Variants in ATRX observed in about 807,000 individuals in gnomAD.
ATRX encodes the protein chromatin remodeler ATRX.
In ATRX, 12 loss-of-function variants were observed where a neutral mutation model predicts 172.6. The observed-to-expected ratio is 0.07, with a 90% CI of 0.04 to 0.11. The LOEUF (loss-of-function observed/expected upper bound fraction) is 0.11, where lower values mean the gene tolerates loss of function less well. Ranked by LOEUF, ATRX falls within the 10% of genes least tolerant of loss-of-function variation. The pLI, the probability that ATRX is intolerant of heterozygous loss-of-function variation, is 1.00. For missense variants in ATRX, 1,368 were observed against 1,767.4 expected (o/e 0.77, Z 4.05); for synonymous variants, 674 against 594.7 (o/e 1.13, Z -1.94).
At chrX:77,704,841 A>AG (rs1490685654) in intron 2 of ATRX, among the ~76,000 whole-genome samples, 4 of 112,190 alleles carry the variant, frequency 3.6e-5, no homozygotes, top group Admixed American at 9.3e-5. Context: ...TATGAGAGCA[A>AG]GGGGGGCCTT....
At chrX:77,728,736 T>C (rs186016876) in intron 1 of ATRX, among the ~76,000 whole-genome samples, 110 of 103,992 alleles carry the variant, frequency 1.1e-3, no homozygotes, top group South Asian at 7.0e-3. Flanking sequence ...ACAAAGAAAG[T>C]AAGAAAGTAT....
chrX:77,616,402 T>C, intron 22 of ATRX: 1 of 1,088,599 alleles, frequency 9.2e-7, no homozygotes, highest in Non-Finnish European at 1.2e-6. Context: ...TCATATGTGC[T>C]GTATATCTTT....
At chrX:77,643,321 G>A (rs1557112059) in intron 15 of ATRX, among the ~76,000 whole-genome samples, 2 of 110,008 alleles carry the variant, frequency 1.8e-5, no homozygotes, top group African/African-American at 6.6e-5. Flanking sequence ...CTGGGGCAAG[G>A]CATTACAGGG....
chrX:77,716,110 A>ATT (rs199639051), intron 2 of ATRX, among the ~76,000 whole-genome samples: 1,403 of 54,179 alleles, frequency 0.026, 89 homozygotes, highest in African/African-American at 0.032. Context: ...GTCTCTAAAA[A>ATT]TTTTTTTTTT....
At chrX:77,551,131 G>T (rs2064487776) in intron 30 of ATRX, among the ~76,000 whole-genome samples, 2 of 111,274 alleles carry the variant, frequency 1.8e-5, no homozygotes, top group Non-Finnish European at 3.8e-5. Context: ...AGTTCATATG[G>T]AACCAAAAAA....
At chrX:77,601,247 C>CT (rs2066662926) in intron 22 of ATRX, among the ~76,000 whole-genome samples, 1 of 110,336 alleles carries the variant, frequency 9.1e-6, no homozygotes, top group Non-Finnish European at 1.9e-5. Context: ...AGGAGGACCG[C>CT]TTGAGGCCAG....
At chrX:77,616,170 C>T in intron 22 of ATRX, 14 of 803,902 alleles carry the variant, frequency 1.7e-5, no homozygotes, top group Non-Finnish European at 2.1e-5. Flanking sequence ...GTATTTTAGG[C>T]ATACTACATG....
At chrX:77,575,311 C>T (rs1028251429) in intron 27 of ATRX, among the ~76,000 whole-genome samples, 3 of 109,123 alleles carry the variant, frequency 2.7e-5, no homozygotes, top group Non-Finnish European at 5.7e-5. Flanking sequence ...CCAGAATTTC[C>T]TTGTTAAAAA....
intron 15 of ATRX, among the ~76,000 whole-genome samples, chrX:77,643,045 C>G (rs1800071266): frequency 8.9e-6 from 1 of 112,015 alleles, no homozygotes; most frequent in African/African-American, 3.2e-5. Flanking sequence ...GCCCCACCAC[C>G]TACCAGAAGG....
chrX:77,745,650 T>C (rs1396420651), intron 1 of ATRX, among the ~76,000 whole-genome samples: 1 of 111,245 alleles, frequency 9.0e-6, no homozygotes, highest in African/African-American at 3.3e-5. Flanking sequence ...ATGGCTAATA[T>C]GTATAAAAAT....
chrX:77,558,931 T>G (rs2064904657), intron 28 of ATRX, 85 bp from the exon 29 acceptor site: 6 of 734,225 alleles, frequency 8.2e-6, no homozygotes, highest in Middle Eastern at 4.6e-4. Flanking sequence ...TGATACTTAG[T>G]TTTTTTTTAA....
chrX:77,711,202 T>G (rs2073095309), intron 2 of ATRX, among the ~76,000 whole-genome samples: 1 of 111,717 alleles, frequency 9.0e-6, no homozygotes, highest in South Asian at 3.7e-4. Flanking sequence ...CTTCCTCAAC[T>G]TGATAAAGGG....
chrX:77,551,716 C>T (rs781916576), intron 30 of ATRX, among the ~76,000 whole-genome samples: 37 of 111,614 alleles, frequency 3.3e-4, no homozygotes, highest in African/African-American at 9.4e-4. Context: ...TGCAATCTAC[C>T]CATCTGACAA....
chrX:77,754,734 T>C, intron 1 of ATRX, among the ~76,000 whole-genome samples: 1 of 111,995 alleles, frequency 8.9e-6, no homozygotes, highest in Non-Finnish European at 1.9e-5. Flanking sequence ...CCTTTGTGGG[T>C]AACCCGACCT....
chrX:77,726,608 A>G (rs1050075549), intron 1 of ATRX, among the ~76,000 whole-genome samples: 11 of 111,279 alleles, frequency 9.9e-5, no homozygotes, highest in African/African-American at 2.9e-4. Context: ...TGTACCCTAG[A>G]ACTTAAAGTG....
intron 1 of ATRX, among the ~76,000 whole-genome samples, chrX:77,746,165 G>T (rs1477095580): frequency 9.0e-6 from 1 of 110,650 alleles, no homozygotes; most frequent in Non-Finnish European, 1.9e-5. Flanking sequence ...CAGGAGGTGG[G>T]AGATCATGAG....
intron 22 of ATRX, among the ~76,000 whole-genome samples, chrX:77,606,332 T>C (rs894035438): frequency 5.4e-5 from 6 of 110,124 alleles, no homozygotes; most frequent in Non-Finnish European, 1.1e-4. Context: ...AGGTACCTAA[T>C]ACCTTCACTG....
chrX:77,541,194 G>A (rs910992183), intron 30 of ATRX, among the ~76,000 whole-genome samples: 4 of 111,883 alleles, frequency 3.6e-5, no homozygotes, highest in Non-Finnish European at 1.9e-5. Context: ...AAACACCTTG[G>A]TGCAAATAAA....
intron 1 of ATRX, among the ~76,000 whole-genome samples, chrX:77,778,519 A>C (rs183010403): frequency 9.1e-6 from 1 of 110,257 alleles, no homozygotes; most frequent in Non-Finnish European, 1.9e-5. Context: ...TCAGGAGATC[A>C]AGACCATCCT....
Sources: gnomAD v4.1 joint callset for allele counts (sites outside exome capture counted in the v4.1 genomes callset) on GRCh38, gnomAD v4.1.1 for gene constraint, MANE v1.5 for transcripts, NCBI Gene and HGNC (gene_info 2026-07-23, HGNC 2026-07-21) for gene names.